The following CCPG1 variants were observed in gnomAD, a reference collection of about 807,000 sequenced individuals.
CCPG1 encodes the protein cell cycle progression 1, also known as cell cycle progression protein 1.
A neutral mutation model predicts 81.3 loss-of-function variants in CCPG1; 46 were observed. That is an observed-to-expected ratio of 0.57 (90% CI 0.45 to 0.72). CCPG1 has a LOEUF of 0.72. Among genes scored for constraint, CCPG1 ranks in the 30% least tolerant of loss-of-function variants. The probability of loss-of-function intolerance (pLI) is 0.00; values close to 1 mark genes in which losing one functional copy is unlikely to be tolerated. For synonymous variants in CCPG1, 330 were observed against 305.2 expected (o/e 1.08, Z -0.85); for missense variants, 902 against 937.6 (o/e 0.96, Z 0.50).
Position 55,355,430 on chromosome 15 carries a change from T to G in CCPG1, c.*790A>C. 1.2e-6 allele frequency: 2 copies of G among 1,605,154 alleles called. No homozygotes were observed. Among genetic ancestry groups the G allele is most frequent in the Non-Finnish European group, 1.7e-6 (2 of 1,176,152 alleles). On this transcript the variant is annotated 3_prime_UTR_variant, in exon 9 of 9. Coordinates refer to ENST00000442196, the MANE Select transcript of CCPG1 (RefSeq NM_001204450.2). ...GAAATTCAACATGAAGATGAAATTC[T>G]GAACTTTCCTAGATAAATTAACATT...
chr15:55,365,140 G>T, intron 7 of CCPG1, 48 bp downstream of exon 7: 2 of 1,143,344 alleles, frequency 1.7e-6, no homozygotes, highest in Non-Finnish European at 1.3e-6. Flanking sequence ...TAACTAATAA[G>T]CAAAATAATT....
intron 5 of CCPG1, among the ~76,000 whole-genome samples, chr15:55,376,189 A>G (rs1871300880): frequency 6.6e-6 from 1 of 152,238 alleles, no homozygotes; most frequent in African/African-American, 2.4e-5. Flanking sequence ...TGTCTCTGCC[A>G]TAACTCACGC....
At chr15:55,372,785 C>A (rs1213236210) in intron 5 of CCPG1, 3 of 325,554 alleles carry the variant, frequency 9.2e-6, no homozygotes, top group Non-Finnish European at 6.3e-6. Flanking sequence ...TTAAGGAACA[C>A]AGGAAAGTAC....
Position 55,360,812 on chromosome 15 carries a change from A to C in CCPG1, c.961T>G (p.Leu321Val), listed in dbSNP as rs1595819101. The change falls in exon 8 of 9, where the codon TTA becomes GTA. Residue 321 changes from leucine (L) to valine (V), a missense_variant. This residue lies in a region of CCPG1 where 746 missense variants were observed against 728.6 expected (regional missense o/e 1.02). Coordinates refer to ENST00000442196, the MANE Select transcript of CCPG1 (RefSeq NM_001204450.2). ...RVSLEKEEKA[L>V]SSLQEELNKL... The stretch of plus-strand genomic sequence containing the variant: ...TTTAACTCTTCCTGTAATGAGGATA[A>C]GGCTTTTTCTTCCTTCTCCAAGGAT... The C allele has an allele frequency of 1.2e-6, 2 of 1,612,532 alleles. No homozygotes were observed. Among genetic ancestry groups the C allele is most frequent in the East Asian group, 4.5e-5 (2 of 44,858 alleles).
At chr15:55,396,662 A>C (rs1397393734) in intron 1 of CCPG1, among the ~76,000 whole-genome samples, 1 of 152,216 alleles carries the variant, frequency 6.6e-6, no homozygotes, top group African/African-American at 2.4e-5. Context: ...ATATTTGAGG[A>C]GATTTATTCT....
intron 6 of CCPG1, among the ~76,000 whole-genome samples, chr15:55,366,994 C>T (rs1334814379): frequency 6.6e-6 from 1 of 152,154 alleles, no homozygotes; most frequent in Non-Finnish European, 1.5e-5. Context: ...ACTATTTCTT[C>T]CCTTACTGCT....
chr15:55,373,610 G>A lies in CCPG1; in HGVS notation c.455-1566C>T, dbSNP rs2056499231. Among the ~76,000 whole-genome samples, 2 of 152,234 alleles carry A rather than the reference G, an allele frequency of 1.3e-5. 1 individual carries two copies. Among genetic ancestry groups the A allele is most frequent in the South Asian group, 4.1e-4 (2 of 4,822 alleles). ...TTTATCTGGTTATTCTTGATCACTAGTTTTTCAAAGATGCCGTCGCCTCAG... is the reference window on the plus strand; with the variant it reads ...TTTATCTGGTTATTCTTGATCACTAATTTTTCAAAGATGCCGTCGCCTCAG... On this transcript the variant is annotated intron_variant, in intron 5 of 8. Transcript: ENST00000442196.
At chr15:55,392,205 A>G (rs2056933038) in intron 1 of CCPG1, among the ~76,000 whole-genome samples, 1 of 136,694 alleles carries the variant, frequency 7.3e-6, no homozygotes, top group African/African-American at 2.7e-5. Flanking sequence ...AAAAGATCAG[A>G]TTTGATTTTT....
chr15:55,374,669 TG>T (rs2056524548), intron 5 of CCPG1, among the ~76,000 whole-genome samples: 1 of 152,174 alleles, frequency 6.6e-6, no homozygotes, highest in Non-Finnish European at 1.5e-5. Flanking sequence ...CTCCCTCTAT[TG>T]CCCAGGCTGG....
intron 1 of CCPG1, among the ~76,000 whole-genome samples, chr15:55,402,963 G>T (rs942744608): frequency 6.6e-6 from 1 of 152,170 alleles, no homozygotes; most frequent in Non-Finnish European, 1.5e-5. Flanking sequence ...GAGGAGCCAG[G>T]TTTCCTTCAG....
chr15:55,362,175 G>A (rs1331490788), intron 7 of CCPG1, among the ~76,000 whole-genome samples: 1 of 151,960 alleles, frequency 6.6e-6, no homozygotes, highest in African/African-American at 2.4e-5. Context: ...TAAACAATAT[G>A]GTTCAACAGG....
intron 1 of CCPG1, among the ~76,000 whole-genome samples, chr15:55,406,863 G>C (rs2057235536): frequency 6.6e-6 from 1 of 151,892 alleles, no homozygotes; most frequent in South Asian, 2.1e-4. Context: ...ATTGTATTTG[G>C]GCTGATTTTT....
At chr15:55,370,049 A>C (rs1029013371) in intron 6 of CCPG1, among the ~76,000 whole-genome samples, 4 of 152,228 alleles carry the variant, frequency 2.6e-5, no homozygotes, top group Admixed American at 6.5e-5. Context: ...AAATTTCAAG[A>C]AAGGATACAA....
chr15:55,356,170 C>A lies in CCPG1; in HGVS notation c.*50G>T. ...ATTAGTTTCAATACCAAACATTATA[C>A]AAAGCATAAATTTTTCTCTTACAGT... On this transcript the variant is annotated 3_prime_UTR_variant, in exon 9 of 9. Coordinates refer to ENST00000442196, the MANE Select transcript of CCPG1 (RefSeq NM_001204450.2). The A allele has an allele frequency of 7.3e-7, 1 of 1,370,104 alleles. No individual in the cohort carries two copies. Among genetic ancestry groups the A allele is most frequent in the Non-Finnish European group, 9.8e-7 (1 of 1,018,266 alleles). The allele number at this position is 1,370,104 out of a possible 1,614,324, so 84.9% of individuals were successfully genotyped here.
intron 1 of CCPG1, among the ~76,000 whole-genome samples, chr15:55,392,556 T>G (rs1481956756): frequency 1.3e-5 from 2 of 151,536 alleles, no homozygotes; most frequent in African/African-American, 4.9e-5. Context: ...GATTTCGCTT[T>G]GTCACCCAGG....
At chr15:55,377,391 A>G (rs2056588965) in intron 4 of CCPG1, among the ~76,000 whole-genome samples, 2 of 152,156 alleles carry the variant, frequency 1.3e-5, no homozygotes, top group South Asian at 2.1e-4. Flanking sequence ...GGGCTGCAGA[A>G]GCTGAGAAGC....
intron 6 of CCPG1, among the ~76,000 whole-genome samples, chr15:55,367,930 A>G (rs189850597): frequency 7.9e-5 from 12 of 152,086 alleles, no homozygotes; most frequent in South Asian, 2.1e-4. Flanking sequence ...ATTTTTCCAT[A>G]CCACCTTTTC....
intron 8 of CCPG1, 145 bp downstream of exon 8, chr15:55,359,394 C>A: frequency 6.4e-6 from 9 of 1,413,100 alleles, no homozygotes; most frequent in Non-Finnish European, 8.3e-6. Context: ...CTCCATCTTT[C>A]AATTTATTCT....
At chr15:55,378,192 G>A in intron 4 of CCPG1, 108 bp downstream of exon 4, 1 of 614,922 alleles carries the variant, frequency 1.6e-6, no homozygotes, top group Non-Finnish European at 2.7e-6. Context: ...AGTCAAAATT[G>A]CTTATAATTC....
Sources: gnomAD v4.1 joint callset for allele counts (sites outside exome capture counted in the v4.1 genomes callset) on GRCh38, gnomAD v4.1.1 for gene constraint, gnomAD v4.1.1 regional missense constraint, MANE v1.5 for transcripts, NCBI Gene and HGNC (gene_info 2026-07-23, HGNC 2026-07-21) for gene names.